The following WWP1 variants were observed in gnomAD, a reference collection of about 807,000 sequenced individuals.
The protein encoded by WWP1 is WW domain containing E3 ubiquitin protein ligase 1.
In WWP1, 49 loss-of-function variants were observed where a neutral mutation model predicts 130.6. The ratio of observed to expected loss-of-function variants is 0.38; its 90% CI spans 0.30 to 0.48. The LOEUF (loss-of-function observed/expected upper bound fraction) is 0.48, where lower values mean the gene tolerates loss of function less well. WWP1 is among the 20% of genes least tolerant of loss of function. WWP1 has a pLI of 0.99. For synonymous variants in WWP1, 332 were observed against 367.8 expected, an observed-to-expected ratio of 0.90 and a Z score of 1.11; for missense variants, 809 against 1,100.6, an observed-to-expected ratio of 0.74 and a Z score of 3.75.
chr8:86,439,486 C>CTGT (rs2130713051), intron 17 of WWP1, among the ~76,000 whole-genome samples: 1 of 152,290 alleles, frequency 6.6e-6, no homozygotes, highest in East Asian at 1.9e-4. Flanking sequence ...TGAGGCACAG[C>CTGT]ACTCAGTCTG....
At chr8:86,389,413 C>G (rs539099178) in intron 5 of WWP1, among the ~76,000 whole-genome samples, 54 of 152,260 alleles carry the variant, frequency 3.5e-4, no homozygotes, top group Admixed American at 2.4e-3. Context: ...CTTGCACCCC[C>G]CTTAATCCAT....
In WWP1 at chr8:86,354,439, G is replaced by GT. The variant is rs563497632; in HGVS notation, c.-115+11519dup. Reference sequence around the variant, plus strand: ...GATTTTGTTGCTAAATGAACTTTCAGTTTTTTTTTTAGCTTTTTGCATTTT... The same window carrying GT: ...GATTTTGTTGCTAAATGAACTTTCAGTTTTTTTTTTTAGCTTTTTGCATTTT... On this transcript the variant is annotated intron_variant, in intron 1 of 24. Coordinates refer to ENST00000517970, the MANE Select transcript of WWP1 (RefSeq NM_007013.4). Among the ~76,000 whole-genome samples, 383 of 148,504 alleles carry GT rather than the reference G, an allele frequency of 2.6e-3. 4 individuals are homozygous for GT. Among genetic ancestry groups the GT allele is most frequent in the African/African-American group, 8.0e-3 (324 of 40,718 alleles).
chr8:86,412,716 GT>G (rs537421906), intron 9 of WWP1, among the ~76,000 whole-genome samples: 17 of 142,250 alleles, frequency 1.2e-4, no homozygotes, highest in African/African-American at 2.3e-4. Flanking sequence ...TTTTGGAATT[GT>G]TTTTTTTTTT....
chr8:86,439,385 G>A (rs1390132529), intron 17 of WWP1, among the ~76,000 whole-genome samples: 1 of 151,166 alleles, frequency 6.6e-6, no homozygotes. Context: ...TAGAAATGAG[G>A]GTCTCACAGT....
intron 10 of WWP1, 64 bp downstream of exon 10, chr8:86,425,382 T>C: frequency 7.9e-7 from 1 of 1,259,758 alleles, no homozygotes; most frequent in Non-Finnish European, 1.1e-6. Context: ...TTTAAATTTA[T>C]TTAGTACAGC....
intron 2 of WWP1, among the ~76,000 whole-genome samples, chr8:86,370,721 G>T (rs2130286779): frequency 6.6e-6 from 1 of 152,186 alleles, no homozygotes; most frequent in East Asian, 1.9e-4. Context: ...TGACTTCAGT[G>T]TAGAATGTTA....
At chr8:86,353,606 C>T (rs1349102690) in intron 1 of WWP1, among the ~76,000 whole-genome samples, 1 of 152,152 alleles carries the variant, frequency 6.6e-6, no homozygotes, top group East Asian at 1.9e-4. Flanking sequence ...AATTCTCCTG[C>T]CTCAGCCTCC....
At position 86,342,625 on chromosome 8, in the gene WWP1, T is replaced by C. The variant is rs1352771321; in HGVS notation, c.-420T>C. 1 of 199,750 alleles carries C rather than the reference T, an allele frequency of 5.0e-6. No homozygotes were observed. Among genetic ancestry groups the C allele is most frequent in the East Asian group, 1.1e-4 (1 of 8,860 alleles). The allele number at this position is 199,750 out of a possible 1,614,324, so 12.4% of individuals were successfully genotyped here. A position where few individuals can be genotyped will look rare whatever the true frequency, so the allele number is the denominator to read the frequency against. ...CGGGGCCGGCGGGGAGGCGCGCGCTTAGGGCGCGGCGCCGGCGACGCGGCC... is the reference window on the plus strand; with the variant it reads ...CGGGGCCGGCGGGGAGGCGCGCGCTCAGGGCGCGGCGCCGGCGACGCGGCC... On this transcript the variant is annotated 5_prime_UTR_variant, in exon 1 of 25. Transcript: ENST00000517970.
chr8:86,403,525 C>T (rs1808115671), intron 8 of WWP1, among the ~76,000 whole-genome samples: 1 of 152,064 alleles, frequency 6.6e-6, no homozygotes, highest in Non-Finnish European at 1.5e-5. Flanking sequence ...AAACTCCTGA[C>T]TTCAAGTGAT....
intron 17 of WWP1, among the ~76,000 whole-genome samples, chr8:86,440,428 C>T (rs1032279849): frequency 6.6e-6 from 1 of 152,134 alleles, no homozygotes; most frequent in Non-Finnish European, 1.5e-5. Flanking sequence ...ACAACAATTT[C>T]ACTAGATATA....
intron 3 of WWP1, among the ~76,000 whole-genome samples, chr8:86,374,358 G>T (rs569583671): frequency 1.3e-5 from 2 of 152,134 alleles, no homozygotes; most frequent in Non-Finnish European, 2.9e-5. Flanking sequence ...GGAGAATTTG[G>T]GCTTTTGAAT....
At chr8:86,386,072 A>G (rs1440810518) in intron 5 of WWP1, among the ~76,000 whole-genome samples, 1 of 152,122 alleles carries the variant, frequency 6.6e-6, no homozygotes, top group East Asian at 1.9e-4. Context: ...CAGTTTGTCT[A>G]ATTTCCTGCT....
intron 12 of WWP1, 72 bp from the exon 13 acceptor site, chr8:86,431,334 A>G: frequency 2.2e-6 from 1 of 453,038 alleles, no homozygotes; most frequent in South Asian, 6.2e-5. Flanking sequence ...ATTATATATA[A>G]TTATATGTGT....
chr8:86,392,320 A>G (rs1017088404), intron 5 of WWP1, among the ~76,000 whole-genome samples: 2 of 152,244 alleles, frequency 1.3e-5, no homozygotes, highest in Non-Finnish European at 2.9e-5. Flanking sequence ...TATAGCTAAC[A>G]TACACATTAG....
intron 1 of WWP1, among the ~76,000 whole-genome samples, chr8:86,357,924 G>A (rs550590842): frequency 1.3e-5 from 2 of 152,124 alleles, no homozygotes; most frequent in African/African-American, 4.8e-5. Flanking sequence ...GCTTGGTGTT[G>A]GTATCCTACC....
chr8:86,368,469 A>T (rs1381766819), intron 1 of WWP1, among the ~76,000 whole-genome samples: 1 of 118,438 alleles, frequency 8.4e-6, no homozygotes, highest in Non-Finnish European at 2.1e-5. Context: ...ATGTATCCTG[A>T]GTTTTTCTTT....
chr8:86,363,858 A>G (rs1225583816), intron 1 of WWP1, among the ~76,000 whole-genome samples: 1 of 151,144 alleles, frequency 6.6e-6, no homozygotes, highest in African/African-American at 2.4e-5. Flanking sequence ...TTAGGTATTT[A>G]TTCTGTGCCA....
At chr8:86,362,968 T>C (rs1301116631) in intron 1 of WWP1, among the ~76,000 whole-genome samples, 2 of 152,218 alleles carry the variant, frequency 1.3e-5, no homozygotes, top group African/African-American at 4.8e-5. Flanking sequence ...TAATATTATT[T>C]AATATTTTTC....
rs1418832203 is a variant in WWP1, at chr8:86,427,776, C to A, written c.1291C>A (p.Gln431Lys). The stretch of plus-strand genomic sequence containing the variant: ...GTGGCAATCTCAGCGGAACCAATTG[C>A]AGGGAGCTATGCAACAGTTTAACCA... The part of the protein sequence containing the change: ...EQWQSQRNQL[Q>K]GAMQQFNQRY... Residue 431 changes from glutamine (Q) to lysine (K), a missense_variant, in exon 11 of 25, where the codon CAG (glutamine) becomes AAG (lysine). Transcript: ENST00000517970. 1 of 1,613,564 alleles carries A rather than the reference C, an allele frequency of 6.2e-7. No homozygotes were observed. Among genetic ancestry groups the A allele is most frequent in the Non-Finnish European group, 8.5e-7 (1 of 1,179,710 alleles).
Sources: gnomAD v4.1 joint callset for allele counts (sites outside exome capture counted in the v4.1 genomes callset) on GRCh38, gnomAD v4.1.1 for gene constraint, MANE v1.5 for transcripts, NCBI Gene and HGNC (gene_info 2026-07-23, HGNC 2026-07-21) for gene names.